Variants in CFAP77 observed in about 807,000 individuals in gnomAD.
CFAP77 encodes cilia and flagella associated protein 77.
CFAP77 carries 25 observed loss-of-function variants against 31.1 expected under a neutral mutation model. The ratio of observed to expected loss-of-function variants is 0.80; its 90% confidence interval spans 0.59 to 1.12. The LOEUF (loss-of-function observed/expected upper bound fraction) is 1.12, where lower values mean the gene tolerates loss of function less well. Ranked by LOEUF, CFAP77 falls within the 50% of genes most tolerant of loss-of-function variation. The pLI, the probability that CFAP77 is intolerant of heterozygous loss-of-function variation, is 0.00. For missense variants in CFAP77, 377 were observed against 397.3 expected, an observed-to-expected ratio of 0.95 and a Z score of 0.44; for synonymous variants, 151 against 159.9, an observed-to-expected ratio of 0.94 and a Z score of 0.42.
At chr9:132,553,338 C>T (rs566651578) in intron 5 of CFAP77, among the ~76,000 whole-genome samples, 26 of 152,238 alleles carry the variant, frequency 1.7e-4, no homozygotes, top group Admixed American at 1.2e-3. Flanking sequence ...ATGGTGGCTC[C>T]CACTTGTAAT....
In CFAP77 at chr9:132,497,115, G is replaced by T. The variant is rs763931645; in HGVS notation, c.196-1580G>T. ...GGGATGCCTGCGATCCTTCAGATGA[G>T]GGGGAGTGGGTTTGTCTATCTCAAC... On this transcript the variant is annotated intron_variant, in intron 1 of 5. Transcript: ENST00000393216. This position sits in a 1 kb window ranked among gnomAD's most constrained non-coding sequence, Gnocchi z 4.9. 6.6e-6 allele frequency among the ~76,000 whole-genome samples: 1 copy of T among 152,104 alleles called. No individual in the cohort carries two copies. The highest frequency in any genetic ancestry group is 6.5e-5 in the Admixed American group (1 of 15,276).
intron 4 of CFAP77, among the ~76,000 whole-genome samples, chr9:132,540,430 G>T (rs115955558): frequency 0.017 from 2,644 of 152,212 alleles, 78 homozygotes; most frequent in African/African-American, 0.06. Flanking sequence ...TCTGCATTGG[G>T]TGCGGAAAGG....
At chr9:132,572,032 C>T (rs1829965189) in intron 5 of CFAP77, among the ~76,000 whole-genome samples, 1 of 152,056 alleles carries the variant, frequency 6.6e-6, no homozygotes, top group African/African-American at 2.4e-5. Context: ...GGAGGTCCCC[C>T]TTGGAGAGGG....
chr9:132,486,068 ATATATATATATATATATATATAT>A (rs1564223226), intron 1 of CFAP77, among the ~76,000 whole-genome samples: 1 of 4,902 alleles, frequency 2.0e-4, no homozygotes, highest in Non-Finnish European at 2.9e-4. Context: ...GTGTGTGTGT[ATATATATATATATATATATATAT>A]TTTTTTTTTT....
At chr9:132,514,720 T>C (rs1263363482) in intron 3 of CFAP77, among the ~76,000 whole-genome samples, 1 of 152,162 alleles carries the variant, frequency 6.6e-6, no homozygotes, top group Non-Finnish European at 1.5e-5. Context: ...TAACCAAGCC[T>C]CCCGGCGTCA....
chr9:132,428,749 G>A (rs1367669712), intron 1 of CFAP77, among the ~76,000 whole-genome samples: 1 of 152,148 alleles, frequency 6.6e-6, no homozygotes, highest in Non-Finnish European at 1.5e-5. Flanking sequence ...CATAGTCTGG[G>A]TTTTGAGACT....
At chr9:132,566,174 G>C (rs373152631) in intron 5 of CFAP77, among the ~76,000 whole-genome samples, 3 of 152,094 alleles carry the variant, frequency 2.0e-5, no homozygotes, top group Non-Finnish European at 4.4e-5. Flanking sequence ...TGCTTGGAGA[G>C]GGGGGAGCGT....
intron 3 of CFAP77, among the ~76,000 whole-genome samples, chr9:132,514,238 A>C (rs1852103596): frequency 6.7e-6 from 1 of 148,512 alleles, no homozygotes; most frequent in Non-Finnish European, 1.5e-5. Context: ...TGTGTTATTG[A>C]CCATGGTGAC....
At chr9:132,415,866 T>C (rs1187388599) in intron 1 of CFAP77, among the ~76,000 whole-genome samples, 1 of 152,236 alleles carries the variant, frequency 6.6e-6, no homozygotes, top group Non-Finnish European at 1.5e-5. Context: ...AAATGTCTGA[T>C]TCAAACAGCC....
At chr9:132,446,743 CAAA>C (rs1184310514) in intron 1 of CFAP77, among the ~76,000 whole-genome samples, 6,505 of 65,804 alleles carry the variant, frequency 0.099, 155 homozygotes, top group Non-Finnish European at 0.15. Flanking sequence ...TCCTCCGTCT[CAAA>C]AAAAAAAAAA....
chr9:132,477,776 ACT>A lies in CFAP77; in HGVS notation c.196-20916_196-20915del, dbSNP rs1564218929. On this transcript the variant is annotated intron_variant, in intron 1 of 5. Transcript: ENST00000393216. Reference sequence around the variant, plus strand: ...GGGGGTGAGTAGGGAACTGGGCCAAACTCTGATGGAGATGTGGGAGGCCGTAG... The same window carrying A: ...GGGGGTGAGTAGGGAACTGGGCCAAACTGATGGAGATGTGGGAGGCCGTAG... Among the ~76,000 whole-genome samples, 3 of 151,934 alleles carry A rather than the reference ACT, an allele frequency of 2.0e-5. No individual in the cohort carries two copies. In the South Asian group the frequency reaches 6.2e-4, roughly 32 times the overall value.
In CFAP77 at chr9:132,539,923, A is replaced by G. The variant is rs12115592; in HGVS notation, c.630+2217A>G. On this transcript the variant is annotated intron_variant, in intron 4 of 5. Transcript: ENST00000393216. The surrounding 1 kb of genome is among the most constrained non-coding windows in gnomAD (Gnocchi z 4.3). ...TGGGAGTTTTTTTTGCTGTTTGTTT[A>G]TTTTTGTTTTTGTTTGTTTGTTTTT... Among the ~76,000 whole-genome samples the G allele has an allele frequency of 0.068, 10,201 of 150,080 alleles. 1,137 individuals are homozygous for G. The highest frequency in any genetic ancestry group is 0.24 in the African/African-American group (9,695 of 40,866).
chr9:132,530,136 C>CTTTTTT (rs750962954), intron 3 of CFAP77, among the ~76,000 whole-genome samples: 327 of 93,112 alleles, frequency 3.5e-3, no homozygotes, highest in East Asian at 6.1e-3. Flanking sequence ...TCTTTCTTTT[C>CTTTTTT]TTTTTTTTTT....
intron 5 of CFAP77, among the ~76,000 whole-genome samples, chr9:132,547,820 C>G (rs554321408): frequency 6.6e-5 from 10 of 152,266 alleles, no homozygotes; most frequent in African/African-American, 2.2e-4. Context: ...GCCGGCCCAC[C>G]CTGTTTCCTT....
chr9:132,537,371 C>T (rs989914014), intron 3 of CFAP77, among the ~76,000 whole-genome samples: 15 of 152,132 alleles, frequency 9.9e-5, no homozygotes, highest in African/African-American at 3.6e-4. Flanking sequence ...AGACCTCTAA[C>T]GTCTGGTCAA....
rs954183815 is a variant in CFAP77, at chr9:132,572,795, C to T, written c.*285C>T. ...CACCCTGCCTCTTCTCAAGCCCTCACCTGCCAAGACAAGCCCAAATTACAA... is the reference window on the plus strand; with the variant it reads ...CACCCTGCCTCTTCTCAAGCCCTCATCTGCCAAGACAAGCCCAAATTACAA... On this transcript the variant is annotated 3_prime_UTR_variant, in exon 6 of 6. Coordinates refer to ENST00000393216, the MANE Select transcript of CFAP77 (RefSeq NM_001282957.2). 30 of 434,370 alleles carry T rather than the reference C, an allele frequency of 6.9e-5. No individual in the cohort carries two copies. The highest frequency in any genetic ancestry group is 1.2e-4 in the African/African-American group (6 of 49,214). The allele number at this position is 434,370 out of a possible 1,614,324, so 26.9% of individuals were successfully genotyped here. A position where few individuals can be genotyped will look rare whatever the true frequency, so the allele number is the denominator to read the frequency against.
chr9:132,463,583 C>A (rs1851099188), intron 1 of CFAP77, among the ~76,000 whole-genome samples: 1 of 152,166 alleles, frequency 6.6e-6, no homozygotes, highest in Non-Finnish European at 1.5e-5. Flanking sequence ...GGGAGCCTGG[C>A]CCCGGTGGAA....
In CFAP77 at chr9:132,414,499, TCACACACA is replaced by T. The variant is rs34016277; in HGVS notation, c.195+4067_195+4074del. On this transcript the variant is annotated intron_variant, in intron 1 of 5. Coordinates refer to ENST00000393216, the MANE Select transcript of CFAP77 (RefSeq NM_001282957.2). ...GCTCTTGGGAAATGTTAGCTCTTAT[TCACACACA>T]CACACACACACACACACACACACAC... Among the ~76,000 whole-genome samples the T allele has an allele frequency of 4.4e-3, 628 of 143,774 alleles. 3 individuals carry two copies. The highest frequency in any genetic ancestry group is 0.011 in the Middle Eastern group (3 of 284). The allele number at this position is 143,774 out of a possible 152,430, so 94.3% of individuals were successfully genotyped here.
rs1829876124 is a variant in CFAP77, at chr9:132,565,613, G to A, written c.733-6775G>A. ...ACCACTGCACTCCAGCCTGGGCAAC[G>A]AGAATGAAACCCCTTCTTAAAAAAA... On this transcript the variant is annotated intron_variant, in intron 5 of 5. Transcript: ENST00000393216. This position sits in a 1 kb window ranked among gnomAD's most constrained non-coding sequence, Gnocchi z 4.1. Among the ~76,000 whole-genome samples, 1 of 151,722 alleles carries A rather than the reference G, an allele frequency of 6.6e-6. No homozygotes were observed. The highest frequency in any genetic ancestry group is 6.6e-5 in the Admixed American group (1 of 15,210).
Sources: allele counts gnomAD v4.1 joint callset (sites outside exome capture counted in the v4.1 genomes callset), GRCh38; gene constraint gnomAD v4.1.1; non-coding constraint Gnocchi (gnomAD v3.1); transcripts MANE v1.5; gene names NCBI Gene and HGNC (gene_info 2026-07-23, HGNC 2026-07-21).